Variants in PAX8 observed in about 807,000 individuals in gnomAD.
PAX8 encodes paired box 8.
In PAX8, 15 loss-of-function variants were observed where a neutral mutation model predicts 52.4. The ratio of observed to expected loss-of-function variants is 0.29; its 90% CI spans 0.19 to 0.44. The LOEUF is 0.44. PAX8 is among the 20% of genes least tolerant of loss of function. PAX8 has a pLI of 1.00. For synonymous variants in PAX8, 284 were observed against 249.7 expected (o/e 1.14, Z -1.29); for missense variants, 554 against 602.5 (o/e 0.92, Z 0.84).
At chr2:113,226,382 T>C (rs957365391) in intron 10 of PAX8, 1 of 985,620 alleles carries the variant, frequency 1.0e-6, no homozygotes, top group African/African-American at 1.7e-5. Context: ...CATCCCAAAG[T>C]CTTCCCTACA....
rs34633676 is a variant in PAX8, at chr2:113,226,669, G to GTCATCATCATCATCA, written c.1189+471_1189+485dup. ...ATATTTCATCATCATCATCGTCATC[G>GTCATCATCATCATCA]TCATCATCATCATCATCATCATCAA... On this transcript the variant is annotated intron_variant, in intron 10 of 11. Coordinates refer to ENST00000429538, the MANE Select transcript of PAX8 (RefSeq NM_003466.4). 3 of 1,057,474 alleles carry GTCATCATCATCATCA rather than the reference G, an allele frequency of 2.8e-6. No individual in the cohort carries two copies. In the African/African-American group the frequency reaches 4.9e-5, roughly 17 times the overall value. 65.5% of individuals were successfully genotyped at this position (1,057,474 alleles called of 1,614,324 possible). A position where few individuals can be genotyped will look rare whatever the true frequency, so the allele number is the denominator to read the frequency against.
intron 2 of PAX8, among the ~76,000 whole-genome samples, chr2:113,256,361 G>A (rs1041807835): frequency 6.6e-6 from 1 of 152,184 alleles, no homozygotes; most frequent in East Asian, 1.9e-4. Flanking sequence ...TTGGATCTCC[G>A]AAGGGCTGGC....
chr2:113,226,280 G>A, intron 10 of PAX8: 2 of 985,474 alleles, frequency 2.0e-6, no homozygotes, highest in Non-Finnish European at 2.4e-6. Flanking sequence ...GCTGGCATGG[G>A]GGTCACAGAT....
chr2:113,231,510 G>A (rs1322112587), intron 9 of PAX8, among the ~76,000 whole-genome samples: 11 of 151,678 alleles, frequency 7.3e-5, no homozygotes, highest in African/African-American at 2.4e-4. Context: ...GCCACCAGGC[G>A]GAAATAAGTG....
chr2:113,256,630 ATGTGTG>A (rs72155714), intron 2 of PAX8, among the ~76,000 whole-genome samples: 4 of 140,124 alleles, frequency 2.9e-5, no homozygotes, highest in South Asian at 2.2e-4. Flanking sequence ...ATATATATAT[ATGTGTG>A]TGTGTGTGTG....
intron 2 of PAX8, among the ~76,000 whole-genome samples, chr2:113,255,843 G>A (rs1364604936): frequency 6.6e-6 from 1 of 152,166 alleles, no homozygotes; most frequent in Non-Finnish European, 1.5e-5. Context: ...AACCACGAGA[G>A]ACAGCTCAAG....
chr2:113,256,458 T>C (rs1193885996), intron 2 of PAX8, among the ~76,000 whole-genome samples: 2 of 152,202 alleles, frequency 1.3e-5, no homozygotes, highest in African/African-American at 4.8e-5. Flanking sequence ...TGCTGAGGTA[T>C]TGGCTGACAA....
chr2:113,235,704 T>C, intron 8 of PAX8, 122 bp from the exon 9 acceptor site: 2 of 741,128 alleles, frequency 2.7e-6, no homozygotes, highest in Non-Finnish European at 4.4e-6. Flanking sequence ...TCAGCTGCCC[T>C]CAGAGTCTGG....
chr2:113,253,170 T>A (rs1691920327), intron 2 of PAX8, among the ~76,000 whole-genome samples: 1 of 152,220 alleles, frequency 6.6e-6, no homozygotes, highest in African/African-American at 2.4e-5. Flanking sequence ...TTTGCTTTAA[T>A]GGGGTTCTGT....
intron 7 of PAX8, 190 bp from the exon 8 acceptor site, chr2:113,236,911 C>T: frequency 1.5e-6 from 1 of 674,972 alleles, no homozygotes; most frequent in Non-Finnish European, 2.4e-6. Flanking sequence ...TCCCGCATCC[C>T]TGGAATTCAA....
In PAX8 at chr2:113,231,948, G is replaced by A. The variant is rs1394508707; in HGVS notation, c.1087+3446C>T. Among the ~76,000 whole-genome samples the A allele has an allele frequency of 3.3e-5, 5 of 152,242 alleles. No individual in the cohort carries two copies. The East Asian group carries it at 5.8e-4, about 18-fold the overall frequency. On this transcript the variant is annotated intron_variant, in intron 9 of 11. Transcript: ENST00000429538. ...TCTCCATGTTGGTCAGGCTGGTCTCGAACTCCCGACCTCAGGTGATCCACC... is the reference window on the plus strand; with the variant it reads ...TCTCCATGTTGGTCAGGCTGGTCTCAAACTCCCGACCTCAGGTGATCCACC...
intron 7 of PAX8, chr2:113,239,154 G>A (rs1407363710): frequency 2.0e-5 from 3 of 146,482 alleles, no homozygotes; most frequent in African/African-American, 2.5e-5. Context: ...TGCAACCTCC[G>A]CCCCCCAGCT....
intron 2 of PAX8, among the ~76,000 whole-genome samples, chr2:113,257,806 G>C (rs1275736560): frequency 6.6e-6 from 1 of 152,152 alleles, no homozygotes; most frequent in African/African-American, 2.4e-5. Context: ...TATGGGAGGT[G>C]CTTATTTTTG....
At chr2:113,221,057 A>G (rs890405089) in intron 10 of PAX8, among the ~76,000 whole-genome samples, 1 of 152,182 alleles carries the variant, frequency 6.6e-6, no homozygotes, top group Non-Finnish European at 1.5e-5. Context: ...TTTCCCATAC[A>G]TTATGATCTT....
At position 113,235,467 on chromosome 2, in the gene PAX8, C is replaced by G; in HGVS notation, c.1014G>C (p.Gly338=). 1 of 1,612,694 alleles carries G rather than the reference C, an allele frequency of 6.2e-7. No homozygotes were observed. Among genetic ancestry groups the G allele is most frequent in the Non-Finnish European group, 8.5e-7 (1 of 1,179,328 alleles). Residue 338 remains glycine, a synonymous_variant, in exon 9 of 12, where the codon GGG becomes GGC. Coordinates refer to ENST00000429538, the MANE Select transcript of PAX8 (RefSeq NM_003466.4). ...GGGGAAAGGCATTGAAGGGCGGGAC[C>G]CCGGAGCCGACTTGCTGCAGATCCA... is the stretch of plus-strand genomic sequence containing the variant. The part of the protein sequence containing the change: ...AFLDLQQVGS[G]VPPFNAFPHA...
chr2:113,223,760 T>C (rs1315532133), intron 10 of PAX8, among the ~76,000 whole-genome samples: 1 of 152,266 alleles, frequency 6.6e-6, no homozygotes, highest in Non-Finnish European at 1.5e-5. Context: ...ATTCATTGAC[T>C]TATTTATTGT....
At chr2:113,222,664 C>T (rs918121260) in intron 10 of PAX8, among the ~76,000 whole-genome samples, 8 of 152,196 alleles carry the variant, frequency 5.3e-5, no homozygotes, top group African/African-American at 1.9e-4. Flanking sequence ...ACCCTGCAAA[C>T]ATATTCTGCT....
intron 2 of PAX8, among the ~76,000 whole-genome samples, chr2:113,249,577 G>T (rs547473127): frequency 7.9e-5 from 12 of 152,028 alleles, no homozygotes; most frequent in Admixed American, 3.3e-4. Flanking sequence ...ATTGGGTATT[G>T]TGCCTTTTTT....
intron 9 of PAX8, among the ~76,000 whole-genome samples, chr2:113,234,143 TC>T (rs780515620): frequency 1.3e-5 from 2 of 152,262 alleles, no homozygotes; most frequent in Non-Finnish European, 2.9e-5. Flanking sequence ...CCTTCCCTGG[TC>T]CTGGGCCCCC....
Sources: gnomAD v4.1 joint callset for allele counts (sites outside exome capture counted in the v4.1 genomes callset) on GRCh38, gnomAD v4.1.1 for gene constraint, MANE v1.5 for transcripts, NCBI Gene and HGNC (gene_info 2026-07-23, HGNC 2026-07-21) for gene names.